The following NTNG1 variants were observed in gnomAD, a reference collection of about 807,000 sequenced individuals.
NTNG1 encodes netrin G1, also known as netrin-G1.
Under a neutral mutation model 54.0 loss-of-function variants are expected in NTNG1, and 16 were observed. The ratio of observed to expected loss-of-function variants is 0.30; its 90% CI spans 0.20 to 0.45. The LOEUF is 0.45. Among genes scored for constraint, NTNG1 ranks in the 20% least tolerant of loss-of-function variants. The pLI, the probability that NTNG1 is intolerant of heterozygous loss-of-function variation, is 1.00. For missense variants in NTNG1, 530 were observed against 678.7 expected (o/e 0.78, Z 2.43); for synonymous variants, 255 against 263.1 (o/e 0.97, Z 0.30).
intron 2 of NTNG1, among the ~76,000 whole-genome samples, chr1:107,185,925 T>G (rs1657427842): frequency 6.6e-6 from 1 of 152,160 alleles, no homozygotes; most frequent in East Asian, 1.9e-4. Flanking sequence ...TGTTACATAA[T>G]TATATTCCAT....
At chr1:107,152,091 C>G (rs1654620731) in intron 2 of NTNG1, among the ~76,000 whole-genome samples, 1 of 151,688 alleles carries the variant, frequency 6.6e-6, no homozygotes, top group African/African-American at 2.4e-5. Context: ...TGTATATACA[C>G]ATACATATAT....
At chr1:107,378,280 C>T (rs1030551755) in intron 3 of NTNG1, among the ~76,000 whole-genome samples, 1 of 152,162 alleles carries the variant, frequency 6.6e-6, no homozygotes, top group African/African-American at 2.4e-5. Flanking sequence ...TGCCTATGAC[C>T]CTTGAGGATG....
At position 107,217,864 on chromosome 1, in the gene NTNG1, A is replaced by G. The variant is rs113701055; in HGVS notation, c.246+69025A>G. Reference sequence around the variant, plus strand: ...CTTGTTGAGATTTGTTTTGTGGCCTATCATTTGGTCTATCTTGGACAATGT... The same window carrying G: ...CTTGTTGAGATTTGTTTTGTGGCCTGTCATTTGGTCTATCTTGGACAATGT... On this transcript the variant is annotated intron_variant, in intron 2 of 7. Transcript: ENST00000370068. Among the ~76,000 whole-genome samples, 343 of 152,296 alleles carry G rather than the reference A, an allele frequency of 2.3e-3. 1 individual carries two copies. The highest frequency in any genetic ancestry group is 0.011 in the East Asian group (59 of 5,174).
intron 4 of NTNG1, among the ~76,000 whole-genome samples, chr1:107,405,198 T>G (rs1360766995): frequency 6.7e-6 from 1 of 149,552 alleles, no homozygotes; most frequent in Non-Finnish European, 1.5e-5. Context: ...GACATTAAAA[T>G]AAGAAGCATT....
At chr1:107,416,977 G>T (rs1674254066) in intron 5 of NTNG1, among the ~76,000 whole-genome samples, 1 of 151,932 alleles carries the variant, frequency 6.6e-6, no homozygotes, top group African/African-American at 2.4e-5. Flanking sequence ...ACAATTTCTG[G>T]GAATACAGAC....
At chr1:107,245,667 T>C (rs1017543357) in intron 2 of NTNG1, among the ~76,000 whole-genome samples, 3 of 152,240 alleles carry the variant, frequency 2.0e-5, no homozygotes, top group Non-Finnish European at 2.9e-5. Flanking sequence ...GAAAATACTT[T>C]CATTGCAGTT....
At chr1:107,413,107 G>A (rs1407152034) in intron 5 of NTNG1, among the ~76,000 whole-genome samples, 1 of 43,404 alleles carries the variant, frequency 2.3e-5, no homozygotes. Context: ...AGTTTCCTGT[G>A]GATTTCTTTT....
At chr1:107,142,011 C>T (rs1379286222) in intron 1 of NTNG1, among the ~76,000 whole-genome samples, 1 of 152,014 alleles carries the variant, frequency 6.6e-6, no homozygotes, top group African/African-American at 2.4e-5. Flanking sequence ...ACATTACTAT[C>T]CCATGTTGTG....
chr1:107,199,653 T>C (rs1280878509), intron 2 of NTNG1, among the ~76,000 whole-genome samples: 1 of 151,914 alleles, frequency 6.6e-6, no homozygotes, highest in East Asian at 1.9e-4. Context: ...AGATTTCCAA[T>C]TTTAAACTGA....
intron 2 of NTNG1, among the ~76,000 whole-genome samples, chr1:107,312,934 C>T (rs1667113474): frequency 1.3e-5 from 2 of 151,994 alleles, no homozygotes; most frequent in African/African-American, 4.8e-5. Flanking sequence ...CAACCTGATG[C>T]TCATAGCCTG....
chr1:107,413,936 T>C (rs912156565), intron 5 of NTNG1, among the ~76,000 whole-genome samples: 3 of 151,928 alleles, frequency 2.0e-5, no homozygotes, highest in Non-Finnish European at 4.4e-5. Context: ...AGAAAAAAAA[T>C]CAGAAAACTT....
At chr1:107,157,345 G>A (rs993928622) in intron 2 of NTNG1, among the ~76,000 whole-genome samples, 1 of 152,040 alleles carries the variant, frequency 6.6e-6, no homozygotes, top group Non-Finnish European at 1.5e-5. Context: ...CAGTTTTTTG[G>A]ATTTTACACT....
chr1:107,274,679 C>T (rs540609814), intron 2 of NTNG1, among the ~76,000 whole-genome samples: 2 of 152,308 alleles, frequency 1.3e-5, no homozygotes, highest in African/African-American at 4.8e-5. Context: ...TGTGGATTTT[C>T]TCTGGGCAAT....
chr1:107,198,966 T>C (rs997955685), intron 2 of NTNG1, among the ~76,000 whole-genome samples: 5 of 151,840 alleles, frequency 3.3e-5, no homozygotes, highest in Non-Finnish European at 7.4e-5. Context: ...ATGCTTCCCA[T>C]GAATCTCCTG....
intron 3 of NTNG1, among the ~76,000 whole-genome samples, chr1:107,340,783 G>T (rs982912004): frequency 6.6e-6 from 1 of 151,976 alleles, no homozygotes; most frequent in South Asian, 2.1e-4. Flanking sequence ...TCAAATCACA[G>T]CTCCTCCATT....
intron 5 of NTNG1, among the ~76,000 whole-genome samples, chr1:107,413,064 A>G (rs1429654742): frequency 6.6e-6 from 1 of 152,070 alleles, no homozygotes; most frequent in Non-Finnish European, 1.5e-5. Flanking sequence ...GATTACCTCC[A>G]AGGCTCTGGG....
intron 2 of NTNG1, among the ~76,000 whole-genome samples, chr1:107,153,877 C>T (rs992281101): frequency 2.0e-5 from 3 of 152,172 alleles, no homozygotes; most frequent in African/African-American, 7.2e-5. Context: ...TTGGAGAGGT[C>T]TTAGGAAGGA....
At chr1:107,288,885 TC>T (rs1406365295) in intron 2 of NTNG1, among the ~76,000 whole-genome samples, 1 of 152,176 alleles carries the variant, frequency 6.6e-6, no homozygotes, top group Non-Finnish European at 1.5e-5. Context: ...TTGTTTCCCT[TC>T]TTTCTAGTTT....
At chr1:107,241,544 A>G (rs1047698714) in intron 2 of NTNG1, among the ~76,000 whole-genome samples, 1 of 152,194 alleles carries the variant, frequency 6.6e-6, no homozygotes, top group Non-Finnish European at 1.5e-5. Flanking sequence ...TAACCCTACT[A>G]AAAGTAGTTT....
Sources: allele counts gnomAD v4.1 joint callset (sites outside exome capture counted in the v4.1 genomes callset), GRCh38; gene constraint gnomAD v4.1.1; transcripts MANE v1.5; gene names NCBI Gene and HGNC (gene_info 2026-07-23, HGNC 2026-07-21).